S100P: variants seen among roughly 807,000 people sequenced by gnomAD.
The protein encoded by S100P is S100 calcium binding protein P, also known as protein S100-P.
A neutral mutation model predicts 4.7 loss-of-function variants in S100P; 7 were observed. The observed-to-expected ratio is 1.48, with a 90% CI of 0.84 to 2.77. The LOEUF is 2.77. Among genes scored for constraint, S100P ranks in the 30% most tolerant of loss-of-function variants. The probability of loss-of-function intolerance (pLI) is 0.00; values close to 1 mark genes in which losing one functional copy is unlikely to be tolerated. For synonymous variants in S100P, 48 were observed against 49.0 expected (o/e 0.98, Z 0.08); for missense variants, 122 against 120.6 (o/e 1.01, Z -0.06).
At chr4:6,696,621 C>G (rs1385740397) in intron 1 of S100P, among the ~76,000 whole-genome samples, 1 of 152,256 alleles carries the variant, frequency 6.6e-6, no homozygotes, top group African/African-American at 2.4e-5. Context: ...CCGGCAAAAA[C>G]TCAAAATGAA....
intron 1 of S100P, among the ~76,000 whole-genome samples, chr4:6,695,206 T>C (rs752865799): frequency 7.9e-5 from 12 of 152,318 alleles, no homozygotes; most frequent in East Asian, 1.9e-4. Flanking sequence ...GCTCAGGCAA[T>C]GCGTCAGCCT....
In S100P at chr4:6,694,032, A is replaced by G; in HGVS notation, c.100A>G (p.Lys34Glu). 2 of 1,613,850 alleles carry G rather than the reference A, an allele frequency of 1.2e-6. No homozygotes were observed. Among genetic ancestry groups the G allele is most frequent in the Non-Finnish European group, 1.7e-6 (2 of 1,179,900 alleles). ...GCAGACCCTGACCAAGGGGGAGCTC[A>G]AGGTGCTGATGGAGAAGGAGCTACC... is the stretch of plus-strand genomic sequence containing the variant. ...STQTLTKGEL[K>E]VLMEKELPGF... Residue 34 changes from lysine to glutamate, a missense_variant, in exon 1 of 2, where the codon AAG (lysine) becomes GAG (glutamate). By Grantham distance (56) the Lys-to-Glu change is moderately conservative (BLOSUM62 1). Coordinates refer to ENST00000296370, the MANE Select transcript of S100P (RefSeq NM_005980.3).
At chr4:6,694,157 G>A (rs1174035370) in intron 1 of S100P, 87 bp downstream of exon 1, 8 of 1,339,636 alleles carry the variant, frequency 6.0e-6, no homozygotes, top group Non-Finnish European at 8.0e-6. Flanking sequence ...GCTGCGGTGG[G>A]GTCGGCGGTC....
In S100P at chr4:6,694,078, A is replaced by G. The variant is rs1183823326; in HGVS notation, c.138+8A>G. 12 of 1,605,352 alleles carry G rather than the reference A, an allele frequency of 7.5e-6. No homozygotes were observed. The highest frequency in any genetic ancestry group is 1.0e-5 in the Non-Finnish European group (12 of 1,175,444). ...CTACCAGGCTTCCTGCAGGTGAGCC[A>G]GGCCGGCAGTGCTGGACTCAGCGGG... On this transcript the variant is annotated splice_region_variant and intron_variant, in intron 1 of 1. Coordinates refer to ENST00000296370, the MANE Select transcript of S100P (RefSeq NM_005980.3).
chr4:6,695,871 G>A (rs910675852), intron 1 of S100P, among the ~76,000 whole-genome samples: 4 of 152,200 alleles, frequency 2.6e-5, no homozygotes, highest in South Asian at 2.1e-4. Context: ...CCGCACAGTC[G>A]GAGCTTTGTA....
intron 1 of S100P, among the ~76,000 whole-genome samples, chr4:6,695,023 G>T (rs1367024062): frequency 6.7e-6 from 1 of 149,762 alleles, no homozygotes; most frequent in Non-Finnish European, 1.5e-5. Context: ...GGAGTGCAGT[G>T]GCAGGATCAC....
Position 6,697,105 on chromosome 4 carries a change from T to C in S100P, c.*63T>C. 1 of 1,374,280 alleles carries C rather than the reference T, an allele frequency of 7.3e-7. No individual in the cohort carries two copies. Among genetic ancestry groups the C allele is most frequent in the Non-Finnish European group, 1.0e-6 (1 of 988,804 alleles). The allele number at this position is 1,374,280 out of a possible 1,614,324, so 85.1% of individuals were successfully genotyped here. On this transcript the variant is annotated 3_prime_UTR_variant, in exon 2 of 2. Coordinates refer to ENST00000296370, the MANE Select transcript of S100P (RefSeq NM_005980.3). ...GTCCCAGGCTTCCCAAAAGTGTTTGTTGGCAATTATTCCCCTAGGCTGAGC... is the reference window on the plus strand; with the variant it reads ...GTCCCAGGCTTCCCAAAAGTGTTTGCTGGCAATTATTCCCCTAGGCTGAGC...
intron 1 of S100P, among the ~76,000 whole-genome samples, chr4:6,695,228 A>C (rs1714343404): frequency 6.6e-6 from 1 of 152,148 alleles, no homozygotes; most frequent in African/African-American, 2.4e-5. Flanking sequence ...GACATCTCAA[A>C]GTGCTGTGAT....
rs576606090 is a variant in S100P at position 6,696,954 on chromosome 4, C to T, written c.200C>T (p.Ala67Val). The change falls in exon 2 of 2, where the codon GCC becomes GTC. Residue 67 changes from alanine (A) to valine (V), a missense_variant. By Grantham distance (64) the Ala-to-Val change is moderately conservative (BLOSUM62 0). Transcript: ENST00000296370. ...LLKDLDANGD[A>V]QVDFSEFIVF... is the part of the protein sequence containing the mutation. ...AAGGACCTGGACGCCAATGGAGATG[C>T]CCAGGTGGACTTCAGTGAGTTCATA... 2.5e-6 allele frequency: 4 copies of T among 1,613,142 alleles called. No individual in the cohort carries two copies. The African/African-American group carries it at 5.3e-5, about 21-fold the overall frequency.
At position 6,697,080 on chromosome 4, in the gene S100P, G is replaced by A; in HGVS notation, c.*38G>A. The A allele has an allele frequency of 3.8e-6, 6 of 1,572,278 alleles. No individual in the cohort carries two copies. The highest frequency in any genetic ancestry group is 5.2e-6 in the Non-Finnish European group (6 of 1,154,094). ...GTCACAGATTCCTGGCAGAGCCATG[G>A]TCCCAGGCTTCCCAAAAGTGTTTGT... On this transcript the variant is annotated 3_prime_UTR_variant, in exon 2 of 2. Coordinates refer to ENST00000296370, the MANE Select transcript of S100P (RefSeq NM_005980.3).
Position 6,694,051 on chromosome 4 carries a change from A to C in S100P, c.119A>C (p.Glu40Ala), listed in dbSNP as rs1714307101. The change falls in exon 1 of 2, where the codon GAG (glutamate) becomes GCG (alanine). Residue 40 changes from glutamate (E) to alanine (A), a missense_variant. Glu to Ala is a moderately radical substitution (Grantham distance 107). Coordinates refer to ENST00000296370, the MANE Select transcript of S100P (RefSeq NM_005980.3). The part of the protein sequence containing the change: ...KGELKVLMEK[E>A]LPGFLQSGKD... ...GAGCTCAAGGTGCTGATGGAGAAGG[A>C]GCTACCAGGCTTCCTGCAGGTGAGC... The C allele has an allele frequency of 2.5e-6, 4 of 1,612,450 alleles. No homozygotes were observed. Among genetic ancestry groups the C allele is most frequent in the Non-Finnish European group, 3.4e-6 (4 of 1,179,110 alleles).
At chr4:6,694,434 C>T (rs1452085381) in intron 1 of S100P, among the ~76,000 whole-genome samples, 1 of 152,246 alleles carries the variant, frequency 6.6e-6, no homozygotes, top group Admixed American at 6.5e-5. Context: ...TTGCCAAGCC[C>T]TTGAGCCCTC....
chr4:6,694,697 G>A (rs1227508953), intron 1 of S100P, among the ~76,000 whole-genome samples: 3 of 152,228 alleles, frequency 2.0e-5, no homozygotes, highest in South Asian at 2.1e-4. Flanking sequence ...GCTTCCTTCC[G>A]CCCGGGGCAG....
At chr4:6,696,305 A>G (rs1172861218) in intron 1 of S100P, among the ~76,000 whole-genome samples, 1 of 152,230 alleles carries the variant, frequency 6.6e-6, no homozygotes, top group Non-Finnish European at 1.5e-5. Context: ...AACAGGGCTC[A>G]GGGTGCTTGC....
Position 6,697,081 on chromosome 4 carries a change from T to G in S100P, c.*39T>G. On this transcript the variant is annotated 3_prime_UTR_variant, in exon 2 of 2. Coordinates refer to ENST00000296370, the MANE Select transcript of S100P (RefSeq NM_005980.3). Reference sequence around the variant, plus strand: ...TCACAGATTCCTGGCAGAGCCATGGTCCCAGGCTTCCCAAAAGTGTTTGTT... The same window carrying G: ...TCACAGATTCCTGGCAGAGCCATGGGCCCAGGCTTCCCAAAAGTGTTTGTT... The G allele has an allele frequency of 6.4e-7, 1 of 1,560,066 alleles. No homozygotes were observed. Among genetic ancestry groups the G allele is most frequent in the Non-Finnish European group, 8.7e-7 (1 of 1,144,704 alleles).
In S100P at chr4:6,697,165, A is replaced by G; in HGVS notation, c.*123A>G. Reference sequence around the variant, plus strand: ...TACCTCTGATTAATAAATGCTTATGAAATGATCCTGGTCTCAGAGAAACTG... The same window carrying G: ...TACCTCTGATTAATAAATGCTTATGGAATGATCCTGGTCTCAGAGAAACTG... On this transcript the variant is annotated 3_prime_UTR_variant, in exon 2 of 2. Coordinates refer to ENST00000296370, the MANE Select transcript of S100P (RefSeq NM_005980.3). 1 of 759,188 alleles carries G rather than the reference A, an allele frequency of 1.3e-6. No individual in the cohort carries two copies. The highest frequency in any genetic ancestry group is 2.1e-6 in the Non-Finnish European group (1 of 469,906). The allele number at this position is 759,188 out of a possible 1,614,324, so 47.0% of individuals were successfully genotyped here.
chr4:6,695,127 G>A (rs967091576), intron 1 of S100P, among the ~76,000 whole-genome samples: 2 of 151,820 alleles, frequency 1.3e-5, no homozygotes, highest in African/African-American at 2.4e-5. Flanking sequence ...CACCATACCC[G>A]GTTAATTTTT....
chr4:6,695,683 C>T (rs1335065694), intron 1 of S100P, among the ~76,000 whole-genome samples: 2 of 152,188 alleles, frequency 1.3e-5, no homozygotes, highest in African/African-American at 4.8e-5. Context: ...AGCTGGGGGT[C>T]CAGCTAATGT....
intron 1 of S100P, among the ~76,000 whole-genome samples, chr4:6,696,554 T>G (rs1304311735): frequency 1.3e-5 from 2 of 152,216 alleles, no homozygotes; most frequent in South Asian, 4.1e-4. Flanking sequence ...AAAGACTGGA[T>G]GCATTTCCTG....
Sources: allele counts gnomAD v4.1 joint callset (sites outside exome capture counted in the v4.1 genomes callset), GRCh38; gene constraint gnomAD v4.1.1; transcripts MANE v1.5; gene names NCBI Gene and HGNC (gene_info 2026-07-23, HGNC 2026-07-21).